The following SBF2 variants were observed in gnomAD, a reference collection of about 807,000 sequenced individuals.
SBF2 encodes myotubularin-related protein 13.
In SBF2, 112 loss-of-function variants were observed where a neutral mutation model predicts 225.2. The observed-to-expected ratio is 0.50, with a 90% CI of 0.43 to 0.58. The LOEUF is 0.58. SBF2 is among the 20% of genes least tolerant of loss of function. The pLI, the probability that SBF2 is intolerant of heterozygous loss-of-function variation, is 0.00. For synonymous variants in SBF2, 763 were observed against 773.3 expected, an observed-to-expected ratio of 0.99 and a Z score of 0.22; for missense variants, 1,996 against 2,206.2, an observed-to-expected ratio of 0.90 and a Z score of 1.91.
intron 2 of SBF2, among the ~76,000 whole-genome samples, chr11:10,173,527 C>T (rs969626255): frequency 1.3e-5 from 2 of 152,248 alleles, no homozygotes; most frequent in African/African-American, 4.8e-5. Flanking sequence ...CGGAGTCTCG[C>T]TGATTGCTAG....
chr11:9,919,586 G>A (rs1863428990), intron 16 of SBF2, among the ~76,000 whole-genome samples: 2 of 152,094 alleles, frequency 1.3e-5, no homozygotes, highest in Admixed American at 1.3e-4. Context: ...AACAAAACAG[G>A]ATAGGGATTT....
intron 2 of SBF2, among the ~76,000 whole-genome samples, chr11:10,113,488 C>T (rs916474428): frequency 6.6e-6 from 1 of 151,994 alleles, no homozygotes; most frequent in African/African-American, 2.4e-5. Flanking sequence ...TCAAAGACTT[C>T]TAAATATTTT....
intron 16 of SBF2, among the ~76,000 whole-genome samples, chr11:9,915,351 G>A (rs959981757): frequency 3.3e-5 from 5 of 151,434 alleles, no homozygotes; most frequent in African/African-American, 1.2e-4. Flanking sequence ...GGAGGCTGAG[G>A]CAGGAGAATT....
chr11:9,787,015 C>T (rs1425247349), intron 36 of SBF2, among the ~76,000 whole-genome samples: 2 of 152,156 alleles, frequency 1.3e-5, no homozygotes, highest in Admixed American at 1.3e-4. Flanking sequence ...CCTGCCTCAG[C>T]CTCCTGAGTA....
intron 2 of SBF2, among the ~76,000 whole-genome samples, chr11:10,099,691 C>T (rs1056615967): frequency 6.6e-6 from 1 of 151,748 alleles, no homozygotes; most frequent in African/African-American, 2.4e-5. Flanking sequence ...ATTGTGACAT[C>T]GATAACAAAC....
At chr11:9,992,391 G>A (rs769101852) in intron 12 of SBF2, 24 bp downstream of exon 12, 4 of 1,595,054 alleles carry the variant, frequency 2.5e-6, no homozygotes, top group East Asian at 2.3e-5. Flanking sequence ...TATAAATAAT[G>A]CCTTCATTTA....
intron 2 of SBF2, among the ~76,000 whole-genome samples, chr11:10,077,673 C>A (rs531782668): frequency 6.6e-6 from 1 of 152,278 alleles, no homozygotes; most frequent in East Asian, 1.9e-4. Context: ...AGACATAAAA[C>A]CATTAAAAAT....
upstream of SBF2, among the ~76,000 whole-genome samples, chr11:10,295,220 A>G (rs1341288788): frequency 3.3e-5 from 5 of 152,364 alleles, no homozygotes; most frequent in East Asian, 9.6e-4. Context: ...TTGATCCTTC[A>G]TATTTACACA....
chr11:9,894,496 G>A (rs938428573), intron 17 of SBF2, among the ~76,000 whole-genome samples: 6 of 148,686 alleles, frequency 4.0e-5, no homozygotes, highest in Admixed American at 1.3e-4. Context: ...TAGCCTGGGC[G>A]ACAGAGCGAG....
chr11:9,938,864 C>G (rs61876949), intron 16 of SBF2, among the ~76,000 whole-genome samples: 17,077 of 151,442 alleles, frequency 0.11, 1,079 homozygotes, highest in Non-Finnish European at 0.13. Flanking sequence ...CCAAAATGAG[C>G]AAATATAATT....
chr11:10,201,357 CA>C (rs1226086723), intron 1 of SBF2, among the ~76,000 whole-genome samples: 1 of 152,004 alleles, frequency 6.6e-6, no homozygotes, highest in African/African-American at 2.4e-5. Context: ...CCAAGACAGC[CA>C]GAAAATCAAA....
chr11:9,808,836 G>T, intron 31 of SBF2, 65 bp downstream of exon 31: 1 of 1,216,700 alleles, frequency 8.2e-7, no homozygotes, highest in Non-Finnish European at 1.2e-6. Flanking sequence ...GTCATCTGAA[G>T]AATTTAAAAA....
At chr11:9,998,987 A>G (rs537284981) in intron 8 of SBF2, among the ~76,000 whole-genome samples, 4 of 152,246 alleles carry the variant, frequency 2.6e-5, no homozygotes, top group Non-Finnish European at 5.9e-5. Flanking sequence ...TAAAAAAATT[A>G]GTATTTATTA....
intron 6 of SBF2, among the ~76,000 whole-genome samples, chr11:10,024,829 C>A (rs774218629): frequency 1.3e-5 from 2 of 152,122 alleles, no homozygotes; most frequent in Non-Finnish European, 2.9e-5. Flanking sequence ...ACTGTAATTT[C>A]TTGACTAGAA....
rs374687792 is a variant in SBF2, at chr11:9,780,694, T to C, written c.5452-178A>G. 4.2e-5 allele frequency: 27 copies of C among 648,068 alleles called. No homozygotes were observed. In the South Asian group the frequency reaches 4.5e-4, roughly 11 times the overall value. The allele number at this position is 648,068 out of a possible 1,614,324, so 40.1% of individuals were successfully genotyped here. A position where few individuals can be genotyped will look rare whatever the true frequency, so the allele number is the denominator to read the frequency against. On this transcript the variant is annotated intron_variant, in intron 39 of 39. Transcript: ENST00000256190. ...GCCTTTACTTTTGTGGTCTCTAGAGTCATAGGGGATGTTGATAGAAGGGTA... is the reference window on the plus strand; with the variant it reads ...GCCTTTACTTTTGTGGTCTCTAGAGCCATAGGGGATGTTGATAGAAGGGTA...
At chr11:9,833,498 G>C (rs1049285591) in intron 26 of SBF2, among the ~76,000 whole-genome samples, 8 of 145,350 alleles carry the variant, frequency 5.5e-5, no homozygotes, top group African/African-American at 2.0e-4. Context: ...TCGGCCCATT[G>C]CAAGCTCCGC....
At chr11:10,161,803 C>A (rs1199297439) in intron 2 of SBF2, among the ~76,000 whole-genome samples, 37 of 139,782 alleles carry the variant, frequency 2.6e-4, no homozygotes, top group East Asian at 6.3e-4. Context: ...TCCTTCTCTA[C>A]AAAAAAAAAA....
At chr11:9,880,720 T>G (rs531742335) in intron 17 of SBF2, among the ~76,000 whole-genome samples, 29 of 152,316 alleles carry the variant, frequency 1.9e-4, no homozygotes, top group African/African-American at 6.0e-4. Flanking sequence ...GAGAATAATA[T>G]TAGTCTAAAC....
intron 2 of SBF2, among the ~76,000 whole-genome samples, chr11:10,130,234 C>A (rs993134360): frequency 2.6e-5 from 4 of 151,568 alleles, no homozygotes; most frequent in Non-Finnish European, 5.9e-5. Context: ...TGGTGGCGGG[C>A]ACCTGTAGTC....
Sources: gnomAD v4.1 joint callset for allele counts (sites outside exome capture counted in the v4.1 genomes callset) on GRCh38, gnomAD v4.1.1 for gene constraint, MANE v1.5 for transcripts, NCBI Gene and HGNC (gene_info 2026-07-23, HGNC 2026-07-21) for gene names.